The following ZMYM1 variants were observed in gnomAD, a reference collection of about 807,000 sequenced individuals.
ZMYM1 encodes the protein zinc finger MYM-type protein 1.
A neutral mutation model predicts 60.0 loss-of-function variants in ZMYM1; 39 were observed. The ratio of observed to expected loss-of-function variants is 0.65; its 90% confidence interval spans 0.50 to 0.85. The LOEUF is 0.85. Ranked by LOEUF, ZMYM1 falls within the 40% of genes least tolerant of loss-of-function variation. ZMYM1 has a pLI of 0.00. For missense variants in ZMYM1, 1,171 were observed against 1,309.5 expected (o/e 0.89, Z 1.63); for synonymous variants, 413 against 454.0 (o/e 0.91, Z 1.15).
chr1:35,116,244 CA>C (rs1184872276), downstream of ZMYM1, among the ~76,000 whole-genome samples: 1 of 152,078 alleles, frequency 6.6e-6, no homozygotes, highest in African/African-American at 2.4e-5. Flanking sequence ...CTCTTTAAAA[CA>C]AACAAGAATG....
intron 4 of ZMYM1, among the ~76,000 whole-genome samples, chr1:35,101,140 A>G (rs924288799): frequency 9.7e-5 from 12 of 123,576 alleles, no homozygotes; most frequent in Non-Finnish European, 1.7e-4. Context: ...GCGGAGTCTC[A>G]CCGTTTTGCC....
At position 35,111,911 on chromosome 1, in the gene ZMYM1, A is replaced by G. The variant is rs1644101656; in HGVS notation, c.1101A>G (p.Gln367=). The part of the protein sequence containing the change: ...ALPIMNTDVL[Q]DTVSSVTATA... ...CCATCATGAACACTGATGTCTTACA[A>G]GGTAAAAGTTGATGTTAAGATATTT... is the stretch of plus-strand genomic sequence containing the variant. Residue 367 remains glutamine, a splice_region_variant and synonymous_variant, in exon 8 of 10, where the codon CAA becomes CAG. Transcript: ENST00000359858. 6.3e-7 allele frequency: 1 copy of G among 1,583,064 alleles called. No individual in the cohort carries two copies. Among genetic ancestry groups the G allele is most frequent in the Non-Finnish European group, 8.6e-7 (1 of 1,163,030 alleles).
intron 1 of ZMYM1, among the ~76,000 whole-genome samples, chr1:35,066,623 T>G (rs971031408): frequency 6.6e-6 from 1 of 152,166 alleles, no homozygotes; most frequent in Non-Finnish European, 1.5e-5. Flanking sequence ...AAAGAAGATT[T>G]AAATAAATGG....
At chr1:35,117,967 C>T (rs945408156), downstream of ZMYM1, among the ~76,000 whole-genome samples, 5 of 151,026 alleles carry the variant, frequency 3.3e-5, no homozygotes, top group Admixed American at 6.6e-5. Context: ...AGGCTGGGGA[C>T]GGTAGCTCAC....
intron 4 of ZMYM1, among the ~76,000 whole-genome samples, chr1:35,101,109 C>CTTTTT (rs34048407): frequency 2.3e-5 from 3 of 129,076 alleles, no homozygotes; most frequent in African/African-American, 8.8e-5. Flanking sequence ...AGCCAACATT[C>CTTTTT]TTTTTTTTTT....
chr1:35,086,002 G>C (rs949562647), intron 1 of ZMYM1, among the ~76,000 whole-genome samples: 2 of 152,148 alleles, frequency 1.3e-5, no homozygotes, highest in South Asian at 2.1e-4. Flanking sequence ...AGAAAAACAC[G>C]TGTAAAGCTG....
intron 1 of ZMYM1, among the ~76,000 whole-genome samples, chr1:35,068,184 C>T (rs943782044): frequency 6.6e-6 from 1 of 151,482 alleles, no homozygotes; most frequent in Admixed American, 6.6e-5. Flanking sequence ...TTTGAGAGAC[C>T]AAGATGGGAG....
chr1:35,074,073 C>T lies in ZMYM1; in HGVS notation c.-300-4921C>T, dbSNP rs1055486209. Among the ~76,000 whole-genome samples, 36 of 152,182 alleles carry T rather than the reference C, an allele frequency of 2.4e-4. 1 individual carries two copies. Among genetic ancestry groups the T allele is most frequent in the African/African-American group, 8.4e-4 (35 of 41,444 alleles). On this transcript the variant is annotated intron_variant, in intron 1 of 10. Transcript: ENST00000417119. ...AAAGTGCTGGAATTACAGGTATGAA[C>T]CACCGTGGCTGCCCTCAAGGAATTT...
In ZMYM1 at chr1:35,113,788, G is replaced by A. The variant is rs1016788855; in HGVS notation, c.1958G>A (p.Ser653Asn). 6.2e-7 allele frequency: 1 copy of A among 1,613,748 alleles called. No homozygotes were observed. Among genetic ancestry groups the A allele is most frequent in the Non-Finnish European group, 8.5e-7 (1 of 1,179,882 alleles). The change falls in exon 10 of 10, where the codon AGT becomes AAT. Residue 653 changes from serine (S) to asparagine (N), a missense_variant. Coordinates refer to ENST00000359858, the MANE Select transcript of ZMYM1 (RefSeq NM_024772.5). ...FSIICDETIN[S>N]AMKEQLSICV... Reference sequence around the variant, plus strand: ...ATCATATGTGATGAGACAATCAATAGTGCCATGAAAGAACAGCTTTCAATT... The same window carrying A: ...ATCATATGTGATGAGACAATCAATAATGCCATGAAAGAACAGCTTTCAATT...
Position 35,104,400 on chromosome 1 carries a change from A to G in ZMYM1, c.525A>G (p.Arg175=). The change falls in exon 5 of 10, where the codon AGA becomes AGG. Residue 175 remains arginine, a synonymous_variant. Transcript: ENST00000359858. ...GTCTTTCATCATATGAAGAAAAAAG[A>G]AAACCATTTGTTACCATATGTACTA... The part of the protein sequence containing the change: ...LSCLSSYEEK[R]KPFVTICTNS... The G allele has an allele frequency of 6.2e-7, 1 of 1,613,364 alleles. No homozygotes were observed. Among genetic ancestry groups the G allele is most frequent in the Non-Finnish European group, 8.5e-7 (1 of 1,179,764 alleles).
intron 1 of ZMYM1, among the ~76,000 whole-genome samples, chr1:35,088,442 A>ATATG: frequency 9.2e-6 from 1 of 108,948 alleles, no homozygotes; most frequent in East Asian, 3.0e-4. Flanking sequence ...GTGTATATAT[A>ATATG]TATATATATA....
At chr1:35,065,641 C>G (rs1179097764) in intron 1 of ZMYM1, among the ~76,000 whole-genome samples, 1 of 150,632 alleles carries the variant, frequency 6.6e-6, no homozygotes, top group Non-Finnish European at 1.5e-5. Flanking sequence ...ATCTAAGCTT[C>G]CATCTTAAGA....
At chr1:35,100,553 C>CG (rs1643588843) in intron 4 of ZMYM1, among the ~76,000 whole-genome samples, 1 of 150,652 alleles carries the variant, frequency 6.6e-6, no homozygotes, top group Non-Finnish European at 1.5e-5. Flanking sequence ...ACCCAGGAGA[C>CG]GGAGGTTGCA....
chr1:35,096,909 GT>G (rs1643365092), intron 3 of ZMYM1, among the ~76,000 whole-genome samples: 1 of 152,112 alleles, frequency 6.6e-6, no homozygotes, highest in South Asian at 2.1e-4. Flanking sequence ...GCCCGGGATG[GT>G]CTCAATCTCT....
rs1336672595 is a variant in ZMYM1 at position 35,113,190 on chromosome 1, C to T, written c.1360C>T (p.Arg454Ter). The T allele has an allele frequency of 2.5e-6, 4 of 1,613,306 alleles. No homozygotes were observed. The highest frequency in any genetic ancestry group is 1.1e-5 in the South Asian group (1 of 90,950). The change falls in exon 10 of 10, where the codon CGA (arginine) becomes TGA (stop). Residue 454 changes from arginine to a stop codon, truncating the protein, a stop_gained. Transcript: ENST00000359858. LOFTEE classifies it low-confidence loss of function (END_TRUNC). ...SKVQKVKGKS[R>*]SIKKSCCADF... ...AGTACAAAAAGTTAAAGGTAAATCA[C>T]GAAGTATTAAAAAATCTTGTTGTGC...
rs752519314 is a variant in ZMYM1 at position 35,115,033 on chromosome 1, A to G, written c.3203A>G (p.Lys1068Arg). ...CACAGTAATATTCCTTGTCTCTCAAAGCTATTATATATTGCTTTGTCTTGG... is the reference window on the plus strand; with the variant it reads ...CACAGTAATATTCCTTGTCTCTCAAGGCTATTATATATTGCTTTGTCTTGG... ...GLHSNIPCLS[K>R]LLYIALSWPI... The change falls in exon 10 of 10, where the codon AAG becomes AGG. Residue 1068 changes from lysine (K) to arginine (R), a missense_variant. Physicochemically the swap from Lys to Arg is conservative, Grantham distance 26 (BLOSUM62 2). Transcript: ENST00000359858. 6.2e-7 allele frequency: 1 copy of G among 1,614,016 alleles called. No individual in the cohort carries two copies. The highest frequency in any genetic ancestry group is 8.5e-7 in the Non-Finnish European group (1 of 1,179,910).
intron 4 of ZMYM1, among the ~76,000 whole-genome samples, chr1:35,102,270 C>T (rs888162158): frequency 2.0e-5 from 3 of 151,994 alleles, no homozygotes; most frequent in African/African-American, 7.2e-5. Context: ...TGGGATCAAA[C>T]TTTTTGTACC....
intron 9 of ZMYM1, 42 bp from the exon 10 acceptor site, chr1:35,112,935 T>G: frequency 6.9e-7 from 1 of 1,441,880 alleles, no homozygotes; most frequent in Non-Finnish European, 9.1e-7. Flanking sequence ...TTAATTAATT[T>G]TTGAAAACTG....
At chr1:35,084,833 C>T (rs1364597718) in intron 1 of ZMYM1, among the ~76,000 whole-genome samples, 4 of 152,066 alleles carry the variant, frequency 2.6e-5, no homozygotes, top group Non-Finnish European at 5.9e-5. Context: ...TAGTTCCCTC[C>T]TCTCCCAGAT....
Sources: gnomAD v4.1 joint callset for allele counts (sites outside exome capture counted in the v4.1 genomes callset) on GRCh38, gnomAD v4.1.1 for gene constraint, MANE v1.5 for transcripts, NCBI Gene and HGNC (gene_info 2026-07-23, HGNC 2026-07-21) for gene names.